HLA-DQB2: variants seen among roughly 807,000 people sequenced by gnomAD.
HLA-DQB2 encodes the protein major histocompatibility complex, class II, DQ beta 2.
HLA-DQB2 carries 24 observed loss-of-function variants against 29.2 expected under a neutral mutation model. That is an observed-to-expected ratio of 0.82 (90% CI 0.60 to 1.16). The LOEUF (loss-of-function observed/expected upper bound fraction) is 1.16. Ranked by LOEUF, HLA-DQB2 falls within the 50% of genes most tolerant of loss-of-function variation. The pLI is 0.00. For missense variants in HLA-DQB2, 273 were observed against 343.6 expected, an observed-to-expected ratio of 0.79 and a Z score of 1.62; for synonymous variants, 104 against 133.1, an observed-to-expected ratio of 0.78 and a Z score of 1.51.
chr6:32,756,298 A>G lies in HLA-DQB2; in HGVS notation c.*155T>C, dbSNP rs7774644. Reference sequence around the variant, plus strand: ...GCAGAGTCACCACCAGTGCCTTGGGATGGGGATCACAGAAGGTGACCTGTG... The same window carrying G: ...GCAGAGTCACCACCAGTGCCTTGGGGTGGGGATCACAGAAGGTGACCTGTG... On this transcript the variant is annotated 3_prime_UTR_variant, in exon 6 of 6. Transcript: ENST00000437316. The G allele has an allele frequency of 0.074, 48,772 of 658,636 alleles. 3,386 individuals are homozygous for G. Among genetic ancestry groups the G allele is most frequent in the African/African-American group, 0.26 (14,470 of 55,798 alleles). The allele number at this position is 658,636 out of a possible 1,614,324, so 40.8% of individuals were successfully genotyped here.
chr6:32,759,656 C>G (rs1213429396), intron 2 of HLA-DQB2, among the ~76,000 whole-genome samples: 3 of 118,286 alleles, frequency 2.5e-5, no homozygotes, highest in African/African-American at 9.6e-5. Context: ...CATTTTCCTG[C>G]TTTTTCTTAA....
chr6:32,759,413 G>A (rs1016903019), intron 2 of HLA-DQB2, among the ~76,000 whole-genome samples: 5 of 152,088 alleles, frequency 3.3e-5, no homozygotes, highest in African/African-American at 7.2e-5. Context: ...AGGAAAAGTA[G>A]GCAGGCCTTG....
In HLA-DQB2 at chr6:32,756,345, C is replaced by T; in HGVS notation, c.*108G>A. 1 of 754,714 alleles carries T rather than the reference C, an allele frequency of 1.3e-6. No homozygotes were observed. Among genetic ancestry groups the T allele is most frequent in the South Asian group, 1.5e-5 (1 of 65,066 alleles). The allele number at this position is 754,714 out of a possible 1,614,324, so 46.8% of individuals were successfully genotyped here. On this transcript the variant is annotated 3_prime_UTR_variant, in exon 6 of 6. Coordinates refer to ENST00000437316, the MANE Select transcript of HLA-DQB2 (RefSeq NM_001300790.2). Reference sequence around the variant, plus strand: ...TGTGGCTGCATGAGCCACTGTAGGACTCTGACCTCAGTGGGACAGGGTGAC... The same window carrying T: ...TGTGGCTGCATGAGCCACTGTAGGATTCTGACCTCAGTGGGACAGGGTGAC...
At chr6:32,762,793 C>T (rs1156532490) in intron 1 of HLA-DQB2, among the ~76,000 whole-genome samples, 5 of 152,010 alleles carry the variant, frequency 3.3e-5, no homozygotes, top group African/African-American at 9.7e-5. Context: ...TCCTTCCTAT[C>T]ATACTAAATT....
At position 32,761,730 on chromosome 6, in the gene HLA-DQB2, C is replaced by T. The variant is rs1400278534; in HGVS notation, c.294G>A (p.Glu98=). ...WNNYKDFLEQ[E]RAAVDKVCRH... The stretch of plus-strand genomic sequence containing the variant: ...TGCACACCTTGTCCACCGCGGCCCG[C>T]TCCTGCTCCAAGAAGTCCTTATAGT... Residue 98 remains glutamate (E), a synonymous_variant, in exon 2 of 6, where the codon GAG becomes GAA. Transcript: ENST00000437316. 1 of 1,555,048 alleles carries T rather than the reference C, an allele frequency of 6.4e-7. No individual in the cohort carries two copies. Among genetic ancestry groups the T allele is most frequent in the East Asian group, 2.4e-5 (1 of 41,040 alleles).
At position 32,756,592 on chromosome 6, in the gene HLA-DQB2, C is replaced by T. The variant is rs61504071; in HGVS notation, c.782-126G>A. 5.9e-4 allele frequency: 870 copies of T among 1,477,862 alleles called. 3 individuals carry two copies. The African/African-American group carries it at 0.01, about 18-fold the overall frequency. 91.5% of individuals were successfully genotyped at this position (1,477,862 alleles called of 1,614,324 possible). ...TGAGGTCCAGGGCATATCATCATCA[C>T]GTTCCCCAATATCTGTGTAAAGGTA... On this transcript the variant is annotated intron_variant, in intron 5 of 5. Transcript: ENST00000437316.
intron 5 of HLA-DQB2, 191 bp downstream of exon 5, chr6:32,757,090 G>A: frequency 7.1e-7 from 1 of 1,415,116 alleles, no homozygotes; most frequent in Non-Finnish European, 9.3e-7. Context: ...CGCCATCTTG[G>A]CTCACTGCAA....
At chr6:32,759,941 G>A (rs1764634438) in intron 2 of HLA-DQB2, among the ~76,000 whole-genome samples, 1 of 152,132 alleles carries the variant, frequency 6.6e-6, no homozygotes, top group Non-Finnish European at 1.5e-5. Flanking sequence ...TTTCTGCTTG[G>A]ACTTGAACTT....
At chr6:32,757,182 G>A in intron 5 of HLA-DQB2, 99 bp downstream of exon 5, 1 of 1,526,958 alleles carries the variant, frequency 6.5e-7, no homozygotes, top group Non-Finnish European at 8.9e-7. Context: ...ACCACGTCCA[G>A]CTAATTTTTG....
intron 1 of HLA-DQB2, among the ~76,000 whole-genome samples, chr6:32,763,002 T>C (rs1414459782): frequency 6.6e-6 from 1 of 152,208 alleles, no homozygotes; most frequent in Admixed American, 6.5e-5. Context: ...ACAGACACCA[T>C]TGCTGCCTTA....
intron 2 of HLA-DQB2, among the ~76,000 whole-genome samples, chr6:32,759,537 T>C (rs1391928254): frequency 4.7e-5 from 7 of 150,188 alleles, no homozygotes; most frequent in African/African-American, 1.7e-4. Flanking sequence ...ATTTTATACA[T>C]CTTAACCTTT....
chr6:32,758,059 C>T (rs1309615081), intron 3 of HLA-DQB2, among the ~76,000 whole-genome samples, 176 bp from the exon 4 acceptor site: 1 of 152,098 alleles, frequency 6.6e-6, no homozygotes, highest in Non-Finnish European at 1.5e-5. Context: ...AGAAGCACAC[C>T]CCTGCCCCTC....
At chr6:32,759,275 T>C (rs182405894) in intron 2 of HLA-DQB2, 144 bp from the exon 3 acceptor site, 52,607 of 828,044 alleles carry the variant, frequency 0.064, no homozygotes, top group Middle Eastern at 0.11. Flanking sequence ...CTTCAACAAA[T>C]ATAAATTTGA....
chr6:32,757,100 A>G, intron 5 of HLA-DQB2, 181 bp downstream of exon 5: 1 of 1,431,418 alleles, frequency 7.0e-7, no homozygotes, highest in Non-Finnish European at 9.3e-7. Context: ...GCTCACTGCA[A>G]CCTCTGCCTC....
chr6:32,762,854 C>T (rs1230422827), intron 1 of HLA-DQB2, among the ~76,000 whole-genome samples: 2 of 152,262 alleles, frequency 1.3e-5, no homozygotes, highest in Non-Finnish European at 2.9e-5. Flanking sequence ...CACCTTTTGC[C>T]CATAAATCAG....
At chr6:32,758,736 G>A in intron 3 of HLA-DQB2, 114 bp downstream of exon 3, 2 of 1,265,094 alleles carry the variant, frequency 1.6e-6, no homozygotes, top group South Asian at 3.0e-5. Context: ...AGTCTCCTGT[G>A]ATTCCCAGCT....
At chr6:32,758,790 C>T (rs1162612326) in intron 3 of HLA-DQB2, 60 bp downstream of exon 3, 1 of 1,418,816 alleles carries the variant, frequency 7.0e-7, no homozygotes, top group South Asian at 1.3e-5. Context: ...GAAGGATCAG[C>T]GGGAGCTCTG....
intron 1 of HLA-DQB2, among the ~76,000 whole-genome samples, chr6:32,762,283 T>C (rs1342287396): frequency 6.6e-6 from 1 of 152,188 alleles, no homozygotes; most frequent in East Asian, 1.9e-4. Context: ...TGAAATCCCA[T>C]TTTCCATGGA....
Position 32,761,651 on chromosome 6 carries a change from G to A in HLA-DQB2, c.364+9C>T. 3.2e-6 allele frequency: 5 copies of A among 1,543,304 alleles called. No individual in the cohort carries two copies. Among genetic ancestry groups the A allele is most frequent in the Non-Finnish European group, 4.4e-6 (5 of 1,145,136 alleles). ...AGGGTGAGCCCCGCGGAAGGACGAC[G>A]ACGCTCACCTTGCCGCTGCAAGGTC... On this transcript the variant is annotated intron_variant, in intron 2 of 5. Coordinates refer to ENST00000437316, the MANE Select transcript of HLA-DQB2 (RefSeq NM_001300790.2).
Sources: gnomAD v4.1 joint callset for allele counts (sites outside exome capture counted in the v4.1 genomes callset) on GRCh38, gnomAD v4.1.1 for gene constraint, MANE v1.5 for transcripts, NCBI Gene and HGNC (gene_info 2026-07-23, HGNC 2026-07-21) for gene names.